Variants in ATG4A observed in about 807,000 individuals in gnomAD.
The protein encoded by ATG4A is cysteine protease ATG4A.
ATG4A carries 22 observed loss-of-function variants against 38.4 expected under a neutral mutation model. The ratio of observed to expected loss-of-function variants is 0.57; its 90% CI spans 0.41 to 0.82. ATG4A has a LOEUF of 0.82. Among genes scored for constraint, ATG4A ranks in the 40% least tolerant of loss-of-function variants. The pLI is 0.00. For missense variants in ATG4A, 220 were observed against 290.0 expected (o/e 0.76, Z 1.75); for synonymous variants, 86 against 100.7 (o/e 0.85, Z 0.88).
intron 1 of ATG4A, among the ~76,000 whole-genome samples, chrX:108,123,816 G>A (rs894064888): frequency 2.7e-5 from 3 of 111,512 alleles, no homozygotes; most frequent in African/African-American, 9.8e-5. Context: ...CTAATTTGAC[G>A]AGATAACTGG....
At chrX:108,116,777 G>A (rs968675405) in intron 1 of ATG4A, among the ~76,000 whole-genome samples, 1 of 111,499 alleles carries the variant, frequency 9.0e-6, no homozygotes, top group Non-Finnish European at 1.9e-5. Flanking sequence ...GCCAGTCCCC[G>A]TACAGCATCA....
intron 9 of ATG4A, among the ~76,000 whole-genome samples, chrX:108,140,967 C>T (rs868654051): frequency 2.4e-5 from 2 of 84,266 alleles, no homozygotes; most frequent in Admixed American, 1.4e-4. Context: ...CATATATACA[C>T]ATATATACAC....
chrX:108,132,618 G>A (rs149562234), intron 4 of ATG4A, among the ~76,000 whole-genome samples: 63 of 110,813 alleles, frequency 5.7e-4, no homozygotes, highest in Non-Finnish European at 8.7e-4. Flanking sequence ...AGGGTAAAAC[G>A]CAAGAAATCA....
intron 6 of ATG4A, 82 bp downstream of exon 6, chrX:108,134,493 G>A (rs2033045981): frequency 2.2e-6 from 2 of 923,601 alleles, no homozygotes; most frequent in Non-Finnish European, 3.0e-6. Context: ...CCCATCAACC[G>A]AGGTATTCTT....
At chrX:108,133,921 A>T in intron 4 of ATG4A, 136 bp from the exon 5 acceptor site, 1 of 453,271 alleles carries the variant, frequency 2.2e-6, no homozygotes, top group Non-Finnish European at 3.7e-6. Context: ...ATACTTAGAA[A>T]TGTTCTAACT....
intron 9 of ATG4A, among the ~76,000 whole-genome samples, chrX:108,143,060 T>C: frequency 8.9e-6 from 1 of 112,306 alleles, no homozygotes; most frequent in East Asian, 2.8e-4. Context: ...ACCCAAATAC[T>C]ATTACATGAA....
At chrX:108,115,669 G>C (rs1421002862) in intron 1 of ATG4A, among the ~76,000 whole-genome samples, 1 of 111,789 alleles carries the variant, frequency 8.9e-6, no homozygotes, top group East Asian at 2.8e-4. Context: ...TTGTTTCTAG[G>C]TTTTTAAAAT....
chrX:108,116,808 C>G (rs2032521057), intron 1 of ATG4A, among the ~76,000 whole-genome samples: 1 of 111,761 alleles, frequency 8.9e-6, no homozygotes, highest in Non-Finnish European at 1.9e-5. Flanking sequence ...AGTCTCTTAG[C>G]CTTCTGCATT....
intron 1 of ATG4A, among the ~76,000 whole-genome samples, 195 bp downstream of exon 1, chrX:108,092,031 A>C (rs807182): frequency 0.5 from 54,726 of 109,465 alleles, 10,871 homozygotes; most frequent in African/African-American, 0.69. Context: ...AGTACTACCT[A>C]CTGAGCTCGA....
At chrX:108,119,389 C>A (rs754347246) in intron 1 of ATG4A, among the ~76,000 whole-genome samples, 16 of 111,110 alleles carry the variant, frequency 1.4e-4, no homozygotes, top group Middle Eastern at 9.3e-3. Flanking sequence ...CGGTGGCTTT[C>A]TAACTTTTTT....
chrX:108,104,329 T>A (rs2032106728), intron 1 of ATG4A, among the ~76,000 whole-genome samples: 1 of 112,048 alleles, frequency 8.9e-6, no homozygotes, highest in Non-Finnish European at 1.9e-5. Flanking sequence ...GTAAGGCAGT[T>A]CTAGTGGTGA....
chrX:108,091,790 G>C lies in ATG4A; in HGVS notation c.-37G>C. Reference sequence around the variant, plus strand: ...CTAGCGACCGTCCGTCCGTAGTCAAGTTGCCGGTGGAATTGGCCCAGGATG... The same window carrying C: ...CTAGCGACCGTCCGTCCGTAGTCAACTTGCCGGTGGAATTGGCCCAGGATG... On this transcript the variant is annotated 5_prime_UTR_variant, in exon 1 of 13. Transcript: ENST00000372232. The C allele has an allele frequency of 1.7e-6, 2 of 1,210,283 alleles. No individual in the cohort carries two copies. The highest frequency in any genetic ancestry group is 2.2e-6 in the Non-Finnish European group (2 of 894,103).
At chrX:108,115,574 A>G (rs1392573129) in intron 1 of ATG4A, among the ~76,000 whole-genome samples, 2 of 112,471 alleles carry the variant, frequency 1.8e-5, no homozygotes, top group Non-Finnish European at 3.8e-5. Flanking sequence ...TGTGAGATTC[A>G]GTTCCTTTTC....
chrX:108,153,767 G>C lies in ATG4A; in HGVS notation c.*55G>C. ...CTTCCATCTGGCACCATAAAAACAT[G>C]AACTTATTGCATAAAACTTTTCTAG... On this transcript the variant is annotated 3_prime_UTR_variant, in exon 13 of 13. Coordinates refer to ENST00000372232, the MANE Select transcript of ATG4A (RefSeq NM_052936.5). 9.7e-7 allele frequency: 1 copy of C among 1,033,671 alleles called. No individual in the cohort carries two copies. Among genetic ancestry groups the C allele is most frequent in the Non-Finnish European group, 1.3e-6 (1 of 741,128 alleles). 85.2% of individuals were successfully genotyped at this position (1,033,671 alleles called of 1,213,427 possible). A position where few individuals can be genotyped will look rare whatever the true frequency, so the allele number is the denominator to read the frequency against.
intron 1 of ATG4A, among the ~76,000 whole-genome samples, chrX:108,113,515 A>G (rs1261711558): frequency 9.0e-6 from 1 of 111,164 alleles, no homozygotes; most frequent in Non-Finnish European, 1.9e-5. Flanking sequence ...AGGGGCAGTT[A>G]TTGTGAAATT....
chrX:108,101,748 C>G (rs1466002312), intron 1 of ATG4A, among the ~76,000 whole-genome samples: 1 of 108,634 alleles, frequency 9.2e-6, no homozygotes, highest in African/African-American at 3.3e-5. Flanking sequence ...TCCCACCCCC[C>G]ACCAACCCCC....
chrX:108,098,644 C>G (rs1040302077), intron 1 of ATG4A, among the ~76,000 whole-genome samples: 1 of 111,336 alleles, frequency 9.0e-6, no homozygotes, highest in Non-Finnish European at 1.9e-5. Flanking sequence ...CCTACCCCCA[C>G]CATTGATAAC....
intron 9 of ATG4A, among the ~76,000 whole-genome samples, chrX:108,147,257 G>A (rs1167052314): frequency 3.6e-5 from 4 of 111,595 alleles, no homozygotes; most frequent in African/African-American, 1.3e-4. Flanking sequence ...AGGTGGAAAG[G>A]CTGATGACAG....
At chrX:108,146,591 G>C (rs1175377279) in intron 9 of ATG4A, among the ~76,000 whole-genome samples, 1 of 111,757 alleles carries the variant, frequency 8.9e-6, no homozygotes, top group Non-Finnish European at 1.9e-5. Context: ...ACAGAGAAGA[G>C]CAATTACAGT....
Sources: allele counts gnomAD v4.1 joint callset (sites outside exome capture counted in the v4.1 genomes callset), GRCh38; gene constraint gnomAD v4.1.1; transcripts MANE v1.5; gene names NCBI Gene and HGNC (gene_info 2026-07-23, HGNC 2026-07-21).